TBX15: variants seen among roughly 807,000 people sequenced by gnomAD.
TBX15 encodes the protein T-box transcription factor TBX15.
A neutral mutation model predicts 53.9 loss-of-function variants in TBX15; 18 were observed. That is an observed-to-expected ratio of 0.33 (90% CI 0.23 to 0.49). The LOEUF (loss-of-function observed/expected upper bound fraction) is 0.49, where lower values mean the gene tolerates loss of function less well. Among genes scored for constraint, TBX15 ranks in the 20% least tolerant of loss-of-function variants. The pLI is 0.98. For missense variants in TBX15, 692 were observed against 749.5 expected, an observed-to-expected ratio of 0.92 and a Z score of 0.90; for synonymous variants, 295 against 278.0, an observed-to-expected ratio of 1.06 and a Z score of -0.61.
At chr1:118,908,936 A>ACT (rs1654933627) in intron 6 of TBX15, among the ~76,000 whole-genome samples, 1 of 152,008 alleles carries the variant, frequency 6.6e-6, no homozygotes, top group Non-Finnish European at 1.5e-5. Context: ...ACACACACAC[A>ACT]CACACACATG....
Position 118,884,965 on chromosome 1 carries a change from G to C in TBX15, c.1576C>G (p.Pro526Ala). 1 of 1,614,162 alleles carries C rather than the reference G, an allele frequency of 6.2e-7. No homozygotes were observed. Among genetic ancestry groups the C allele is most frequent in the Non-Finnish European group, 8.5e-7 (1 of 1,180,038 alleles). The change falls in exon 8 of 8, where the codon CCT becomes GCT. Residue 526 changes from proline (P) to alanine (A), a missense_variant. Physicochemically the swap from Pro to Ala is conservative, Grantham distance 27 (BLOSUM62 -1). Coordinates refer to ENST00000369429, the MANE Select transcript of TBX15 (RefSeq NM_001330677.2). ...NLYGYNFPTS[P>A]RLAASPEKLS... The stretch of plus-strand genomic sequence containing the variant: ...TTTTCCGGGCTTGCAGCTAGCCTAG[G>C]GGAAGTGGGGAAATTGTATCCATAC...
In TBX15 at chr1:118,929,852, T is replaced by C. The variant is rs1477960045; in HGVS notation, c.419+1767A>G. On this transcript the variant is annotated intron_variant, in intron 2 of 7. Transcript: ENST00000369429. ...CCAAAAAGAATACCGGAAAATCTTA[T>C]AGACAAAAAAAAAATGTAATATTTC... Among the ~76,000 whole-genome samples, 5 of 67,556 alleles carry C rather than the reference T, an allele frequency of 7.4e-5. No individual in the cohort carries two copies. In the East Asian group the frequency reaches 2.9e-3, roughly 39 times the overall value. The allele number at this position is 67,556 out of a possible 152,430, so 44.3% of individuals were successfully genotyped here.
chr1:118,962,203 G>A (rs1656898856), intron 1 of TBX15, among the ~76,000 whole-genome samples: 1 of 152,158 alleles, frequency 6.6e-6, no homozygotes, highest in Non-Finnish European at 1.5e-5. Context: ...CATTACTACA[G>A]ACCAGCACTG....
intron 5 of TBX15, among the ~76,000 whole-genome samples, chr1:118,917,462 TG>T (rs1328267966): frequency 6.6e-6 from 1 of 152,128 alleles, no homozygotes; most frequent in Non-Finnish European, 1.5e-5. Flanking sequence ...CTAATGCATG[TG>T]GGGCTTAATA....
At chr1:118,939,407 C>CA (rs869094141) in intron 1 of TBX15, among the ~76,000 whole-genome samples, 112 of 8,860 alleles carry the variant, frequency 0.013, 9 homozygotes, top group Middle Eastern at 0.2. Flanking sequence ...GATCTAGTCT[C>CA]AAAAAAAAAA....
chr1:118,905,343 G>T (rs1172273832), intron 6 of TBX15, among the ~76,000 whole-genome samples: 1 of 152,154 alleles, frequency 6.6e-6, no homozygotes, highest in Admixed American at 6.5e-5. Flanking sequence ...CCATCCCTGG[G>T]CAAAAGCCAC....
At chr1:118,977,290 T>C (rs73009551) in intron 1 of TBX15, among the ~76,000 whole-genome samples, 1 of 152,230 alleles carries the variant, frequency 6.6e-6, no homozygotes, top group African/African-American at 2.4e-5. Context: ...TATATACACA[T>C]ATATATGCAC....
chr1:118,970,719 T>A (rs973954467), intron 1 of TBX15, among the ~76,000 whole-genome samples: 2 of 152,206 alleles, frequency 1.3e-5, no homozygotes, highest in African/African-American at 4.8e-5. Context: ...AGTTTTTTAA[T>A]GCATTCTCAC....
rs181330685 is a variant in TBX15 at position 118,986,544 on chromosome 1, T to C, written c.205+1047A>G. On this transcript the variant is annotated intron_variant, in intron 1 of 7. Coordinates refer to ENST00000369429, the MANE Select transcript of TBX15 (RefSeq NM_001330677.2). Reference sequence around the variant, plus strand: ...AAATGTAAGCGACAGCTGTCCCTCCTCTGAGTTGGACAGCTTTGTGGCTGA... The same window carrying C: ...AAATGTAAGCGACAGCTGTCCCTCCCCTGAGTTGGACAGCTTTGTGGCTGA... Among the ~76,000 whole-genome samples, 3 of 152,304 alleles carry C rather than the reference T, an allele frequency of 2.0e-5. No individual in the cohort carries two copies. In the East Asian group the frequency reaches 5.8e-4, roughly 29 times the overall value.
chr1:118,987,731 G>A lies in TBX15; in HGVS notation c.65C>T (p.Ala22Val), dbSNP rs1222860867. The change falls in exon 1 of 8, where the codon GCC becomes GTC. Residue 22 changes from alanine to valine, a missense_variant. Around this residue, in one of 3 missense-constraint regions of TBX15, gnomAD observed 307 missense variants for 347.5 expected, o/e 0.88. Coordinates refer to ENST00000369429, the MANE Select transcript of TBX15 (RefSeq NM_001330677.2). The part of the protein sequence containing the change: ...SSRAHAFSVE[A>V]LIGSNKKRKL... ...CCGTTTTTTATTTGAGCCGATCAAGGCTTCAACGGAGAAGGCATGTGCTCG... is the reference window on the plus strand; with the variant it reads ...CCGTTTTTTATTTGAGCCGATCAAGACTTCAACGGAGAAGGCATGTGCTCG... The A allele has an allele frequency of 1.3e-6, 2 of 1,550,386 alleles. No individual in the cohort carries two copies.
chr1:118,955,134 A>G (rs943232545), intron 1 of TBX15, among the ~76,000 whole-genome samples: 1 of 152,200 alleles, frequency 6.6e-6, no homozygotes, highest in Non-Finnish European at 1.5e-5. Context: ...ATACCTCACC[A>G]TGGAAGATCA....
intron 1 of TBX15, among the ~76,000 whole-genome samples, chr1:118,941,853 C>T (rs1470489644): frequency 6.6e-6 from 1 of 152,160 alleles, no homozygotes; most frequent in East Asian, 1.9e-4. Context: ...GCTCATCTCT[C>T]CTCTTTCCAA....
chr1:118,934,180 G>T (rs972797203), intron 1 of TBX15, among the ~76,000 whole-genome samples: 5 of 152,050 alleles, frequency 3.3e-5, no homozygotes, highest in South Asian at 2.1e-4. Context: ...CCACAGGGGG[G>T]GCCTAGGTCC....
chr1:118,904,220 T>C (rs1226768050), intron 6 of TBX15, among the ~76,000 whole-genome samples: 2 of 152,140 alleles, frequency 1.3e-5, no homozygotes, highest in African/African-American at 4.8e-5. Flanking sequence ...TTTTCCCTTC[T>C]AGTATTTGAA....
At position 118,923,415 on chromosome 1, in the gene TBX15, C is replaced by G. The variant is rs534155441; in HGVS notation, c.861+21G>C. ...ACCAAAAAACAGATGTAGCAGAAGA[C>G]TCTCAAGGGCCACCTCTTACCTGCT... On this transcript the variant is annotated intron_variant, in intron 5 of 7. Transcript: ENST00000369429. 1.9e-6 allele frequency: 3 copies of G among 1,613,610 alleles called. No homozygotes were observed. In the African/African-American group the frequency reaches 4.0e-5, roughly 22 times the overall value.
intron 6 of TBX15, among the ~76,000 whole-genome samples, chr1:118,906,786 A>G (rs772810061): frequency 2.0e-5 from 3 of 152,212 alleles, no homozygotes; most frequent in African/African-American, 4.8e-5. Flanking sequence ...AAAGGACACT[A>G]GGCACCAAGA....
rs1328984814 is a variant in TBX15 at position 118,931,560 on chromosome 1, A to T, written c.419+59T>A. ...CAAATAAATAAGAATGGAAGAATGT[A>T]ATGGCTCCTACTTCTGCAAATTCTT... On this transcript the variant is annotated intron_variant, in intron 2 of 7. Transcript: ENST00000369429. The T allele has an allele frequency of 1.0e-5, 16 of 1,568,190 alleles. No homozygotes were observed. In the East Asian group the frequency reaches 3.1e-4, roughly 31 times the overall value.
chr1:118,971,536 G>A (rs915026853), intron 1 of TBX15, among the ~76,000 whole-genome samples: 1 of 152,196 alleles, frequency 6.6e-6, no homozygotes, highest in African/African-American at 2.4e-5. Flanking sequence ...TTGCAGTCTA[G>A]TTGGGGCTTG....
At chr1:118,956,614 A>G (rs1030315944) in intron 1 of TBX15, among the ~76,000 whole-genome samples, 27 of 152,210 alleles carry the variant, frequency 1.8e-4, no homozygotes, top group Non-Finnish European at 3.7e-4. Context: ...TGAAAAAATA[A>G]CCACATCATC....
Sources: allele counts gnomAD v4.1 joint callset (sites outside exome capture counted in the v4.1 genomes callset), GRCh38; gene constraint gnomAD v4.1.1; regional missense constraint gnomAD v4.1.1; transcripts MANE v1.5; gene names NCBI Gene and HGNC (gene_info 2026-07-23, HGNC 2026-07-21).